The following SIRPB2 variants were observed in gnomAD, a reference collection of about 807,000 sequenced individuals.
SIRPB2 encodes signal regulatory protein beta 2, also known as signal-regulatory protein beta-2.
SIRPB2 carries 18 observed loss-of-function variants against 27.1 expected under a neutral mutation model. The observed-to-expected ratio is 0.66, with a 90% CI of 0.46 to 0.98. The LOEUF (loss-of-function observed/expected upper bound fraction) is 0.98, where lower values mean the gene tolerates loss of function less well. SIRPB2 is among the 50% of genes least tolerant of loss of function. SIRPB2 has a pLI of 0.00. For synonymous variants in SIRPB2, 150 were observed against 164.6 expected (o/e 0.91, Z 0.68); for missense variants, 420 against 417.4 (o/e 1.01, Z -0.06).
At position 1,475,913 on chromosome 20, in the gene SIRPB2, T is replaced by G; in HGVS notation, c.*254A>C. On this transcript the variant is annotated 3_prime_UTR_variant, in exon 5 of 5. Transcript: ENST00000359801. The stretch of plus-strand genomic sequence containing the variant: ...AAGGGCTGCAGCAGGGGCAAGGGTG[T>G]TGAGGAGAGACTGAGCCAGGGACTG... The G allele has an allele frequency of 2.3e-6, 1 of 429,282 alleles. No homozygotes were observed. The highest frequency in any genetic ancestry group is 4.2e-6 in the Non-Finnish European group (1 of 239,194). The allele number at this position is 429,282 out of a possible 1,614,324, so 26.6% of individuals were successfully genotyped here. A position where few individuals can be genotyped will look rare whatever the true frequency, so the allele number is the denominator to read the frequency against.
chr20:1,470,868 C>G (rs1032604855), downstream of SIRPB2: 1 of 152,172 alleles, frequency 6.6e-6, no homozygotes. Flanking sequence ...TGCCCCTGCA[C>G]GAATAATCAT....
chr20:1,473,860 T>A, downstream of SIRPB2: 1 of 456,336 alleles, frequency 2.2e-6, no homozygotes, highest in South Asian at 1.5e-5. Context: ...CTGTAACAGA[T>A]CACTGCAAAC....
intron 1 of SIRPB2, among the ~76,000 whole-genome samples, chr20:1,483,007 T>C (rs1236610116): frequency 6.6e-6 from 1 of 152,210 alleles, no homozygotes; most frequent in Non-Finnish European, 1.5e-5. Flanking sequence ...GTTCTATTTT[T>C]AGATTTTTGA....
chr20:1,488,107 A>T (rs549867098), intron 1 of SIRPB2, among the ~76,000 whole-genome samples: 96 of 152,348 alleles, frequency 6.3e-4, no homozygotes, highest in African/African-American at 2.1e-3. Flanking sequence ...CATAAAAATT[A>T]AGAACTCCTG....
intron 1 of SIRPB2, among the ~76,000 whole-genome samples, chr20:1,485,347 T>C (rs990061599): frequency 1.5e-4 from 23 of 152,122 alleles, no homozygotes; most frequent in African/African-American, 5.6e-4. Flanking sequence ...AAGTATTACA[T>C]GAACCCCATA....
chr20:1,480,310 C>T (rs1204765001), intron 1 of SIRPB2: 20 of 479,528 alleles, frequency 4.2e-5, no homozygotes, highest in South Asian at 1.7e-4. Context: ...CTGGGCCCTG[C>T]GTGCATGATG....
intron 3 of SIRPB2, chr20:1,478,041 C>G: frequency 3.0e-6 from 2 of 668,756 alleles, no homozygotes; most frequent in East Asian, 2.9e-5. Context: ...GAAATTAACT[C>G]TGCTTGAGAG....
In SIRPB2 at chr20:1,476,060, G is replaced by T; in HGVS notation, c.*107C>A. The T allele has an allele frequency of 7.7e-7, 1 of 1,299,982 alleles. No individual in the cohort carries two copies. The highest frequency in any genetic ancestry group is 1.1e-6 in the Non-Finnish European group (1 of 928,750). The allele number at this position is 1,299,982 out of a possible 1,614,324, so 80.5% of individuals were successfully genotyped here. On this transcript the variant is annotated 3_prime_UTR_variant, in exon 5 of 5. Transcript: ENST00000359801. Reference sequence around the variant, plus strand: ...ACCAGATGTAGGGATCTAGGAGTTTGTCATGAGGCCTGGGGGCACCTAGAG... The same window carrying T: ...ACCAGATGTAGGGATCTAGGAGTTTTTCATGAGGCCTGGGGGCACCTAGAG...
chr20:1,477,157 T>C, intron 4 of SIRPB2, 181 bp downstream of exon 4: 1 of 1,567,244 alleles, frequency 6.4e-7, no homozygotes, highest in Non-Finnish European at 8.6e-7. Context: ...TCGTTATAGC[T>C]GAGCTGTTAT....
chr20:1,474,101 G>A (rs963462154), downstream of SIRPB2, among the ~76,000 whole-genome samples: 3 of 152,094 alleles, frequency 2.0e-5, no homozygotes, highest in Non-Finnish European at 4.4e-5. Flanking sequence ...AGATCCATCC[G>A]TGTCTCTCTT....
chr20:1,476,330 A>G lies in SIRPB2; in HGVS notation c.866T>C (p.Leu289Pro). 6.2e-7 allele frequency: 1 copy of G among 1,612,346 alleles called. No individual in the cohort carries two copies. Among genetic ancestry groups the G allele is most frequent in the Non-Finnish European group, 8.5e-7 (1 of 1,179,504 alleles). ...PATEMSPTGLLVVFAPVVLGL... is the reference protein window; with the variant it reads ...PATEMSPTGLPVVFAPVVLGL... ...CAGGACCACAGGTGCGAACACAACC[A>G]GGAGGCCTGGGAGGCACAGGAGAGA... Residue 289 changes from leucine (L) to proline (P), a missense_variant, in exon 5 of 5, where the codon CTG becomes CCG. Physicochemically the swap from Leu to Pro is moderately conservative, Grantham distance 98. Transcript: ENST00000359801.
intron 3 of SIRPB2, 110 bp from the exon 4 acceptor site, chr20:1,477,513 T>C (rs1009627424): frequency 2.0e-6 from 3 of 1,513,100 alleles, no homozygotes; most frequent in African/African-American, 2.8e-5. Flanking sequence ...TCTATGTGGG[T>C]ATGGGCTAGA....
chr20:1,480,298 T>C (rs990940538), intron 1 of SIRPB2: 2 of 522,890 alleles, frequency 3.8e-6, no homozygotes, highest in African/African-American at 3.8e-5. Flanking sequence ...GCTCACCGTG[T>C]GCTGGGCCCT....
chr20:1,472,018 A>T (rs1194891272), downstream of SIRPB2, among the ~76,000 whole-genome samples: 6 of 152,150 alleles, frequency 3.9e-5, no homozygotes, highest in African/African-American at 1.4e-4. Flanking sequence ...ACAGAAGGGG[A>T]GGGAGAGAAA....
intron 1 of SIRPB2, among the ~76,000 whole-genome samples, chr20:1,480,757 C>A (rs1035706995): frequency 6.6e-6 from 1 of 152,148 alleles, no homozygotes; most frequent in Admixed American, 6.5e-5. Flanking sequence ...TTGTTCAAGC[C>A]GCCCAGGCCA....
chr20:1,479,662 C>T (rs1046498721), intron 2 of SIRPB2, 38 bp downstream of exon 2: 4 of 1,601,208 alleles, frequency 2.5e-6, no homozygotes, highest in Non-Finnish European at 3.4e-6. Flanking sequence ...GGGAAACAGA[C>T]TGGAGCAAAT....
At chr20:1,479,381 T>G (rs2090642955) in intron 2 of SIRPB2, 1 of 365,124 alleles carries the variant, frequency 2.7e-6, no homozygotes, top group Non-Finnish European at 5.1e-6. Flanking sequence ...GTGACTTGCT[T>G]TAGCCAGTGG....
chr20:1,489,281 G>T (rs1024798825), intron 1 of SIRPB2, among the ~76,000 whole-genome samples: 1 of 152,184 alleles, frequency 6.6e-6, no homozygotes, highest in African/African-American at 2.4e-5. Context: ...TTTCACAAGT[G>T]TGAAATACAC....
intron 1 of SIRPB2, among the ~76,000 whole-genome samples, chr20:1,481,379 T>G (rs1217892014): frequency 6.6e-6 from 1 of 152,106 alleles, no homozygotes. Context: ...AAACATGAGG[T>G]GAACCATGCA....
Sources: gnomAD v4.1 joint callset for allele counts (sites outside exome capture counted in the v4.1 genomes callset) on GRCh38, gnomAD v4.1.1 for gene constraint, MANE v1.5 for transcripts, NCBI Gene and HGNC (gene_info 2026-07-23, HGNC 2026-07-21) for gene names.